Variants in MYO1H observed in about 807,000 individuals in gnomAD.
MYO1H encodes unconventional myosin-Ih.
In MYO1H, 118 loss-of-function variants were observed where a neutral mutation model predicts 149.3. The observed-to-expected ratio is 0.79, with a 90% CI of 0.68 to 0.92. The LOEUF (loss-of-function observed/expected upper bound fraction) is 0.92, where lower values mean the gene tolerates loss of function less well. MYO1H is among the 40% of genes least tolerant of loss of function. The probability of loss-of-function intolerance (pLI) is 0.00; values close to 1 mark genes in which losing one functional copy is unlikely to be tolerated. For synonymous variants in MYO1H, 447 were observed against 465.2 expected, an observed-to-expected ratio of 0.96 and a Z score of 0.50; for missense variants, 1,212 against 1,280.7, an observed-to-expected ratio of 0.95 and a Z score of 0.82.
chr12:109,358,236 C>T (rs1350469481), intron 1 of MYO1H, among the ~76,000 whole-genome samples: 1 of 151,918 alleles, frequency 6.6e-6, no homozygotes, highest in Non-Finnish European at 1.5e-5. Context: ...AAAAATAACA[C>T]AGTGACACAA....
intron 1 of MYO1H, among the ~76,000 whole-genome samples, chr12:109,354,928 A>T (rs1868554464): frequency 6.6e-6 from 1 of 152,236 alleles, no homozygotes; most frequent in African/African-American, 2.4e-5. Context: ...GAAGGAAGAG[A>T]AGAGAACAGG....
At chr12:109,322,558 C>T in the MYO1H span, among the ~76,000 whole-genome samples, 2 of 152,200 alleles carry the variant, frequency 1.3e-5, no homozygotes, top group African/African-American at 4.8e-5. Flanking sequence ...TGGTGGCTCA[C>T]GCCTGTAATC....
At chr12:109,343,014 T>C (rs933800361), upstream of MYO1H, among the ~76,000 whole-genome samples, 8 of 151,374 alleles carry the variant, frequency 5.3e-5, no homozygotes, top group African/African-American at 1.7e-4. Context: ...AAGCCAGGAG[T>C]TCAAGACCAG....
intron 16 of MYO1H, among the ~76,000 whole-genome samples, chr12:109,422,112 C>A (rs1212486325): frequency 6.6e-6 from 1 of 152,154 alleles, no homozygotes; most frequent in Non-Finnish European, 1.5e-5. Flanking sequence ...AGCCACTGCG[C>A]CATGCCTAAA....
chr12:109,365,467 C>T (rs1868847751), intron 1 of MYO1H, among the ~76,000 whole-genome samples: 1 of 152,122 alleles, frequency 6.6e-6, no homozygotes, highest in Non-Finnish European at 1.5e-5. Context: ...GGGCTTTCTT[C>T]TCAGTCTCTT....
Position 109,447,086 on chromosome 12 carries a change from G to A in MYO1H, c.3094-73G>A, listed in dbSNP as rs878860205. On this transcript the variant is annotated intron_variant, in intron 31 of 31. Transcript: ENST00000310903. ...ACCCACCTTGCTAATGGTGACAGTT[G>A]AGGTGATAACTGTTTCCTTTTGCGC... 1.1e-5 allele frequency: 15 copies of A among 1,426,416 alleles called. 1 individual carries two copies. The South Asian group carries it at 1.7e-4, about 16-fold the overall frequency. The allele number at this position is 1,426,416 out of a possible 1,614,324, so 88.4% of individuals were successfully genotyped here.
exon 13 of MYO1H, chr12:109,410,727 G>T (rs367725927): frequency 1.9e-6 from 3 of 1,602,416 alleles, no homozygotes; most frequent in Non-Finnish European, 1.7e-6. Context: ...GATCATCTGT[G>T]ATTTGGTAGA....
intron 1 of MYO1H, among the ~76,000 whole-genome samples, chr12:109,353,393 C>CAAAAAAAAAAAAAAAAAAAAA (rs55927192): frequency 2.0e-4 from 16 of 79,284 alleles, no homozygotes; most frequent in African/African-American, 3.3e-4. Flanking sequence ...GACTCCGTCT[C>CAAAAAAAAAAAAAAAAAAAAA]AAAAAAAAAA....
chr12:109,333,986 TTTAC>T, the MYO1H span, among the ~76,000 whole-genome samples: 1 of 152,062 alleles, frequency 6.6e-6, no homozygotes, highest in Non-Finnish European at 1.5e-5. Flanking sequence ...TATTTGCTTA[TTTAC>T]TTGTTTATGT....
chr12:109,436,135 T>C (rs1871847406), intron 21 of MYO1H, among the ~76,000 whole-genome samples: 1 of 152,190 alleles, frequency 6.6e-6, no homozygotes, highest in Admixed American at 6.5e-5. Flanking sequence ...TGTCTGAGCC[T>C]GCGTGCCCAT....
At chr12:109,317,230 C>T in the MYO1H span, among the ~76,000 whole-genome samples, 6 of 152,194 alleles carry the variant, frequency 3.9e-5, no homozygotes, top group Non-Finnish European at 5.9e-5. Flanking sequence ...CACACTTATA[C>T]GCACAATCTT....
In MYO1H at chr12:109,363,436, G is replaced by A. The variant is rs535467235; in HGVS notation, c.12+15464G>A. Among the ~76,000 whole-genome samples the A allele has an allele frequency of 3.3e-5, 5 of 152,272 alleles. No homozygotes were observed. In the South Asian group the frequency reaches 6.2e-4, roughly 19 times the overall value. ...GGCTACATAAGAGGGAGCGTCGGCC[G>A]GGCGCGGTGGCTCACGCCTGTAATC... On this transcript the variant is annotated intron_variant, in intron 1 of 31. Transcript: ENST00000310903.
intron 10 of MYO1H, among the ~76,000 whole-genome samples, chr12:109,409,264 T>C (rs1176855718): frequency 3.7e-5 from 4 of 109,020 alleles, no homozygotes; most frequent in Non-Finnish European, 5.5e-5. Flanking sequence ...TTTTTTTTTT[T>C]TTTTTTTTTT....
Position 109,433,524 on chromosome 12 carries a change from T to C in MYO1H, c.2063+514T>C, listed in dbSNP as rs567531889. Among the ~76,000 whole-genome samples, 69 of 152,334 alleles carry C rather than the reference T, an allele frequency of 4.5e-4. No homozygotes were observed. The South Asian group carries it at 7.5e-3, about 16-fold the overall frequency. On this transcript the variant is annotated intron_variant, in intron 20 of 31. Transcript: ENST00000310903. ...GAATCGGGAAGATCCGAGTCCGTCT[T>C]GTGCGTCATTTTGGTCAGGGTTAAT...
At chr12:109,356,420 A>G (rs1446926689) in intron 1 of MYO1H, among the ~76,000 whole-genome samples, 4 of 152,064 alleles carry the variant, frequency 2.6e-5, no homozygotes. Flanking sequence ...AAGATCAGCT[A>G]CAAATTCTTT....
chr12:109,347,691 C>A (rs1257931892), upstream of MYO1H, among the ~76,000 whole-genome samples: 2 of 151,770 alleles, frequency 1.3e-5, no homozygotes, highest in African/African-American at 4.8e-5. Flanking sequence ...AATCAAAGAT[C>A]AGCAGTGTCT....
At chr12:109,365,987 G>A (rs1051260035) in intron 1 of MYO1H, among the ~76,000 whole-genome samples, 6 of 152,184 alleles carry the variant, frequency 3.9e-5, no homozygotes, top group Non-Finnish European at 7.4e-5. Context: ...TGAACTGCAC[G>A]TGTGAAGGAT....
chr12:109,421,688 C>G (rs1419554677), intron 16 of MYO1H, among the ~76,000 whole-genome samples: 1 of 152,106 alleles, frequency 6.6e-6, no homozygotes, highest in Non-Finnish European at 1.5e-5. Context: ...GAAGCTGAGA[C>G]CCAGACAGGT....
chr12:109,363,684 T>C (rs1309790399), intron 1 of MYO1H, among the ~76,000 whole-genome samples: 3 of 149,432 alleles, frequency 2.0e-5, no homozygotes, highest in African/African-American at 7.4e-5. Context: ...TGCACTCCAG[T>C]CTGGGCAACA....
Sources: gnomAD v4.1 joint callset for allele counts (sites outside exome capture counted in the v4.1 genomes callset) on GRCh38, gnomAD v4.1.1 for gene constraint, MANE v1.5 for transcripts, NCBI Gene and HGNC (gene_info 2026-07-23, HGNC 2026-07-21) for gene names.